The following PBX3 variants were observed in gnomAD, a reference collection of about 807,000 sequenced individuals.
PBX3 encodes the protein PBX homeobox 3, also known as pre-B-cell leukemia transcription factor 3.
PBX3 carries 14 observed loss-of-function variants against 48.5 expected under a neutral mutation model. That is an observed-to-expected ratio of 0.29 (90% CI 0.19 to 0.45). The LOEUF is 0.45. Ranked by LOEUF, PBX3 falls within the 20% of genes least tolerant of loss-of-function variation. PBX3 has a pLI of 1.00. For synonymous variants in PBX3, 210 were observed against 200.3 expected (o/e 1.05, Z -0.41); for missense variants, 386 against 546.7 (o/e 0.71, Z 2.93).
intron 2 of PBX3, among the ~76,000 whole-genome samples, chr9:125,877,441 C>T (rs1018593845): frequency 3.9e-5 from 6 of 152,148 alleles, no homozygotes; most frequent in African/African-American, 1.4e-4. Context: ...TCTTCTGTCA[C>T]ACCAGATGGC....
intron 5 of PBX3, chr9:125,949,428 G>A: frequency 6.4e-7 from 1 of 1,550,746 alleles, no homozygotes; most frequent in Non-Finnish European, 8.7e-7. Flanking sequence ...CTGACATCCA[G>A]CCAACTAGCG....
intron 2 of PBX3, among the ~76,000 whole-genome samples, chr9:125,760,648 A>T (rs1836641747): frequency 6.6e-6 from 1 of 152,208 alleles, no homozygotes; most frequent in African/African-American, 2.4e-5. Context: ...TGGTAAACAT[A>T]AACATTAGTG....
intron 2 of PBX3, among the ~76,000 whole-genome samples, chr9:125,771,418 CTA>C (rs1836938182): frequency 6.6e-6 from 1 of 152,172 alleles, no homozygotes; most frequent in South Asian, 2.1e-4. Flanking sequence ...GACATTATAA[CTA>C]TGACCTGGTA....
intron 2 of PBX3, among the ~76,000 whole-genome samples, chr9:125,765,439 A>G (rs1169237667): frequency 6.6e-6 from 1 of 152,096 alleles, no homozygotes; most frequent in Non-Finnish European, 1.5e-5. Flanking sequence ...CGTGAGGCAC[A>G]GCGCCCGACC....
chr9:125,935,627 T>A lies in PBX3; in HGVS notation c.843+20T>A, dbSNP rs1269452619. On this transcript the variant is annotated intron_variant, in intron 5 of 8. Transcript: ENST00000373489. Reference sequence around the variant, plus strand: ...TCACAGGTGAGAAAGGACCCATGGGTCTGTCTTGTTCCCTGTGGAGACAGG... The same window carrying A: ...TCACAGGTGAGAAAGGACCCATGGGACTGTCTTGTTCCCTGTGGAGACAGG... 1 of 1,607,044 alleles carries A rather than the reference T, an allele frequency of 6.2e-7. No homozygotes were observed. Among genetic ancestry groups the A allele is most frequent in the African/African-American group, 1.3e-5 (1 of 74,742 alleles).
intron 2 of PBX3, among the ~76,000 whole-genome samples, chr9:125,808,243 C>A (rs895634075): frequency 6.6e-6 from 1 of 152,004 alleles, no homozygotes; most frequent in East Asian, 1.9e-4. Flanking sequence ...TAAAATAGGA[C>A]GTATAGTGTG....
intron 2 of PBX3, among the ~76,000 whole-genome samples, chr9:125,805,620 A>G (rs1275255931): frequency 6.6e-6 from 1 of 152,200 alleles, no homozygotes; most frequent in Non-Finnish European, 1.5e-5. Flanking sequence ...ATGTTTAGTA[A>G]TAGAACTTGG....
chr9:125,847,995 T>TACTC (rs1839472681), intron 2 of PBX3, among the ~76,000 whole-genome samples: 1 of 151,976 alleles, frequency 6.6e-6, no homozygotes, highest in Non-Finnish European at 1.5e-5. Flanking sequence ...GTGAATTGAG[T>TACTC]AAGTGCTAGG....
At chr9:125,915,034 G>A (rs1198292919) in intron 2 of PBX3, among the ~76,000 whole-genome samples, 3 of 152,046 alleles carry the variant, frequency 2.0e-5, no homozygotes, top group African/African-American at 7.2e-5. Flanking sequence ...TTTTAATACT[G>A]TATTTAGTAT....
chr9:125,915,808 G>A lies in PBX3; in HGVS notation c.397G>A (p.Ala133Thr), dbSNP rs778685108. 2 of 1,613,598 alleles carry A rather than the reference G, an allele frequency of 1.2e-6. No homozygotes were observed. Among genetic ancestry groups the A allele is most frequent in the Non-Finnish European group, 1.7e-6 (2 of 1,179,952 alleles). ...GAAAGGTGGGGGATCGGCGGCAGCAGCTGCAGCCGCGGCAGCCTCTGGAGG... is the reference window on the plus strand; with the variant it reads ...GAAAGGTGGGGGATCGGCGGCAGCAACTGCAGCCGCGGCAGCCTCTGGAGG... Reference protein sequence around the residue: ...PEKGGGSAAAAAAAAASGGSS... With the variant: ...PEKGGGSAAATAAAAASGGSS... Residue 133 changes from alanine (A) to threonine (T), a missense_variant, in exon 3 of 9, where the codon GCT becomes ACT. Coordinates refer to ENST00000373489, the MANE Select transcript of PBX3 (RefSeq NM_006195.6).
intron 2 of PBX3, among the ~76,000 whole-genome samples, chr9:125,856,099 A>G (rs1839713618): frequency 6.6e-6 from 1 of 152,180 alleles, no homozygotes; most frequent in Non-Finnish European, 1.5e-5. Context: ...TGCTTAGTGC[A>G]TTAAACATTT....
chr9:125,888,354 A>C (rs933236306), intron 2 of PBX3, among the ~76,000 whole-genome samples: 1 of 152,184 alleles, frequency 6.6e-6, no homozygotes, highest in African/African-American at 2.4e-5. Context: ...ATGCAGATGG[A>C]TTTAGCTCTC....
In PBX3 at chr9:125,850,728, G is replaced by A. The variant is rs560595863; in HGVS notation, c.275-64958G>A. ...AAGTCTAAATAAGCACATGAATTAA[G>A]TTTGTAAGCCTTATAAAAACTAAAG... On this transcript the variant is annotated intron_variant, in intron 2 of 8. Transcript: ENST00000373489. Among the ~76,000 whole-genome samples the A allele has an allele frequency of 2.6e-5, 4 of 152,146 alleles. No homozygotes were observed. The East Asian group carries it at 7.7e-4, about 29-fold the overall frequency.
intron 2 of PBX3, among the ~76,000 whole-genome samples, chr9:125,876,358 A>G (rs969629664): frequency 1.2e-4 from 19 of 152,126 alleles, no homozygotes; most frequent in African/African-American, 4.3e-4. Context: ...GTCCACTTAT[A>G]CTCTGATTTC....
At chr9:125,949,165 A>G (rs996439946) in intron 5 of PBX3, among the ~76,000 whole-genome samples, 3 of 152,206 alleles carry the variant, frequency 2.0e-5, no homozygotes, top group South Asian at 2.1e-4. Flanking sequence ...ACTCTGCTCC[A>G]GCACTATTTA....
At chr9:125,843,941 C>T in intron 2 of PBX3, 1 of 305,454 alleles carries the variant, frequency 3.3e-6, no homozygotes, top group Non-Finnish European at 7.0e-6. Flanking sequence ...AAATTTGGGG[C>T]TGGAAATGTG....
At chr9:125,962,263 C>A in intron 7 of PBX3, 49 bp downstream of exon 7, 1 of 1,034,544 alleles carries the variant, frequency 9.7e-7, no homozygotes, top group Non-Finnish European at 1.5e-6. Context: ...AGGGTTTGGG[C>A]TCAAAACTCC....
chr9:125,779,245 CT>C (rs34221799), intron 2 of PBX3, among the ~76,000 whole-genome samples: 216 of 127,814 alleles, frequency 1.7e-3, no homozygotes, highest in Middle Eastern at 4.0e-3. Flanking sequence ...AACTTTGTTC[CT>C]TTTTTTTTTT....
At chr9:125,777,916 T>TG (rs1837120209) in intron 2 of PBX3, among the ~76,000 whole-genome samples, 1 of 152,078 alleles carries the variant, frequency 6.6e-6, no homozygotes, top group Non-Finnish European at 1.5e-5. Context: ...GTAAGGTTGG[T>TG]GGGAACGTCT....
Sources: allele counts gnomAD v4.1 joint callset (sites outside exome capture counted in the v4.1 genomes callset), GRCh38; gene constraint gnomAD v4.1.1; transcripts MANE v1.5; gene names NCBI Gene and HGNC (gene_info 2026-07-23, HGNC 2026-07-21).